TMEM178B: variants seen among roughly 807,000 people sequenced by gnomAD.
TMEM178B encodes the protein transmembrane protein 178B.
In TMEM178B, 5 loss-of-function variants were observed where a neutral mutation model predicts 31.0. The observed-to-expected ratio is 0.16, with a 90% CI of 0.08 to 0.34. The LOEUF (loss-of-function observed/expected upper bound fraction) is 0.34, where lower values mean the gene tolerates loss of function less well. Ranked by LOEUF, TMEM178B falls within the 10% of genes least tolerant of loss-of-function variation. TMEM178B has a pLI of 1.00. For synonymous variants in TMEM178B, 164 were observed against 164.0 expected (o/e 1.00, Z 0.00); for missense variants, 275 against 400.3 (o/e 0.69, Z 2.67).
intron 2 of TMEM178B, among the ~76,000 whole-genome samples, chr7:141,274,676 T>C (rs545910036): frequency 6.6e-6 from 1 of 152,332 alleles, no homozygotes; most frequent in South Asian, 2.1e-4. Context: ...ACATGAAGAA[T>C]AGGCTGTTTC....
intron 2 of TMEM178B, among the ~76,000 whole-genome samples, chr7:141,293,824 TAG>T (rs1409398138): frequency 6.6e-6 from 1 of 152,174 alleles, no homozygotes; most frequent in Non-Finnish European, 1.5e-5. Flanking sequence ...GCCTGGCATG[TAG>T]AGAGTGAGTA....
intron 1 of TMEM178B, among the ~76,000 whole-genome samples, chr7:141,185,311 C>A (rs1331208636): frequency 6.6e-6 from 1 of 152,184 alleles, no homozygotes; most frequent in Non-Finnish European, 1.5e-5. Context: ...CTGGAAGAAT[C>A]AGATCACACA....
intron 1 of TMEM178B, among the ~76,000 whole-genome samples, chr7:141,120,314 A>G (rs1173459995): frequency 1.3e-5 from 2 of 152,246 alleles, no homozygotes; most frequent in East Asian, 3.8e-4. Context: ...AATGGATAGC[A>G]TTCATATCCA....
intron 1 of TMEM178B, among the ~76,000 whole-genome samples, chr7:141,206,377 G>C (rs1030514509): frequency 1.3e-5 from 2 of 152,196 alleles, no homozygotes; most frequent in Non-Finnish European, 2.9e-5. Flanking sequence ...AAGAGCCCTG[G>C]AGAAAGAGAG....
intron 2 of TMEM178B, among the ~76,000 whole-genome samples, chr7:141,266,809 CA>C (rs756993998): frequency 6.6e-6 from 1 of 152,224 alleles, no homozygotes; most frequent in Non-Finnish European, 1.5e-5. Context: ...TTGTTACTCA[CA>C]TGGGAAACTT....
Position 141,212,649 on chromosome 7 carries a change from G to A in TMEM178B, c.441G>A (p.Arg147=), listed in dbSNP as rs1448503147. 2.3e-5 allele frequency: 36 copies of A among 1,536,074 alleles called. No homozygotes were observed. Among genetic ancestry groups the A allele is most frequent in the Non-Finnish European group, 3.0e-5 (34 of 1,146,894 alleles). The change falls in exon 2 of 4, where the codon AGG becomes AGA. Residue 147 remains arginine (R), a synonymous_variant. Transcript: ENST00000565468. ...KYHYSSATIP[R]NLTFNITKTI... The stretch of plus-strand genomic sequence containing the variant: ...ACTACTCCTCAGCAACCATCCCCAG[G>A]AACCTCACTTTCAATATCACGAAGA...
chr7:141,172,848 C>G (rs1017574340), intron 1 of TMEM178B, among the ~76,000 whole-genome samples: 1 of 152,150 alleles, frequency 6.6e-6, no homozygotes, highest in South Asian at 2.1e-4. Flanking sequence ...TTGTTAAATC[C>G]TGATTAAATT....
intron 1 of TMEM178B, among the ~76,000 whole-genome samples, chr7:141,102,700 G>T (rs1002761036): frequency 4.6e-5 from 7 of 152,172 alleles, no homozygotes; most frequent in Non-Finnish European, 1.0e-4. Context: ...ACACTTTGTC[G>T]ATCTAGAGGA....
At chr7:141,382,992 A>C (rs1361479736) in intron 2 of TMEM178B, among the ~76,000 whole-genome samples, 1 of 152,134 alleles carries the variant, frequency 6.6e-6, no homozygotes, top group Admixed American at 6.5e-5. Flanking sequence ...ATCTCCTTGG[A>C]AATTTGGGAG....
intron 1 of TMEM178B, among the ~76,000 whole-genome samples, chr7:141,136,270 A>G (rs1375111652): frequency 6.6e-6 from 1 of 152,210 alleles, no homozygotes; most frequent in Admixed American, 6.5e-5. Flanking sequence ...AAGAACCTAC[A>G]CTGGGGAAAG....
chr7:141,465,013 G>C (rs1802125973), intron 3 of TMEM178B, among the ~76,000 whole-genome samples: 1 of 152,298 alleles, frequency 6.6e-6, no homozygotes, highest in Admixed American at 6.5e-5. Flanking sequence ...CATAGTGGGC[G>C]TTACTAAGAA....
At chr7:141,373,658 A>G (rs1563164943) in intron 2 of TMEM178B, among the ~76,000 whole-genome samples, 1 of 152,136 alleles carries the variant, frequency 6.6e-6, no homozygotes, top group Non-Finnish European at 1.5e-5. Context: ...CACCCCCCCA[A>G]CACACATTGG....
intron 3 of TMEM178B, among the ~76,000 whole-genome samples, chr7:141,462,183 G>GTTT: frequency 6.6e-6 from 1 of 152,130 alleles, no homozygotes; most frequent in Non-Finnish European, 1.5e-5. Context: ...TAGTTTTAGG[G>GTTT]CTGAAAGTCC....
intron 2 of TMEM178B, among the ~76,000 whole-genome samples, chr7:141,215,893 C>T (rs371478692): frequency 1.7e-5 from 2 of 120,426 alleles, no homozygotes; most frequent in African/African-American, 3.3e-5. Flanking sequence ...CCTTCCTTTC[C>T]TTCTTTCTTT....
chr7:141,225,669 T>G (rs546778887), intron 2 of TMEM178B, among the ~76,000 whole-genome samples: 1 of 152,324 alleles, frequency 6.6e-6, no homozygotes, highest in East Asian at 1.9e-4. Flanking sequence ...CTGAATGGGC[T>G]TGCCATCTCT....
chr7:141,123,416 TCTC>T (rs1369888626), intron 1 of TMEM178B, among the ~76,000 whole-genome samples: 1 of 152,330 alleles, frequency 6.6e-6, no homozygotes, highest in African/African-American at 2.4e-5. Context: ...AAGAGTGTCT[TCTC>T]CTCTCCTCCT....
intron 2 of TMEM178B, among the ~76,000 whole-genome samples, chr7:141,224,380 G>C (rs1563123306): frequency 6.6e-6 from 1 of 152,132 alleles, no homozygotes; most frequent in Non-Finnish European, 1.5e-5. Context: ...TTACGGATTC[G>C]ATCTCCAAGT....
chr7:141,101,261 C>T (rs1000594559), intron 1 of TMEM178B, among the ~76,000 whole-genome samples: 1 of 152,160 alleles, frequency 6.6e-6, no homozygotes, highest in African/African-American at 2.4e-5. Context: ...TTGTCTAACT[C>T]TTGATTAATT....
At chr7:141,141,469 T>C (rs1795766752) in intron 1 of TMEM178B, among the ~76,000 whole-genome samples, 1 of 152,182 alleles carries the variant, frequency 6.6e-6, no homozygotes, top group African/African-American at 2.4e-5. Context: ...GTGTTCCTCA[T>C]TTGTTTTTTA....
Sources: allele counts gnomAD v4.1 joint callset (sites outside exome capture counted in the v4.1 genomes callset), GRCh38; gene constraint gnomAD v4.1.1; transcripts MANE v1.5; gene names NCBI Gene and HGNC (gene_info 2026-07-23, HGNC 2026-07-21).